PTPRZ1: variants seen among roughly 807,000 people sequenced by gnomAD.
PTPRZ1 encodes the protein receptor-type tyrosine-protein phosphatase zeta.
A neutral mutation model predicts 214.1 loss-of-function variants in PTPRZ1; 82 were observed. That is an observed-to-expected ratio of 0.38 (90% confidence interval 0.32 to 0.46). The LOEUF (loss-of-function observed/expected upper bound fraction) is 0.46. Among genes scored for constraint, PTPRZ1 ranks in the 20% least tolerant of loss-of-function variants. The pLI is 1.00. For synonymous variants in PTPRZ1, 945 were observed against 987.9 expected, an observed-to-expected ratio of 0.96 and a Z score of 0.81; for missense variants, 2,603 against 2,748.7, an observed-to-expected ratio of 0.95 and a Z score of 1.19.
chr7:121,925,284 A>C (rs1795720436), intron 1 of PTPRZ1, among the ~76,000 whole-genome samples: 1 of 152,222 alleles, frequency 6.6e-6, no homozygotes, highest in African/African-American at 2.4e-5. Flanking sequence ...AGAAACTCTT[A>C]ACCCCGGAAT....
chr7:122,000,647 AT>A (rs1798290503), intron 10 of PTPRZ1, among the ~76,000 whole-genome samples: 1 of 1,314 alleles, frequency 7.6e-4, no homozygotes, highest in African/African-American at 2.4e-3. Context: ...GATAGATTTC[AT>A]ATATATATAT....
At chr7:121,892,781 A>G (rs985045594) in intron 1 of PTPRZ1, among the ~76,000 whole-genome samples, 4 of 146,084 alleles carry the variant, frequency 2.7e-5, no homozygotes, top group Non-Finnish European at 6.0e-5. Context: ...GTTCTCCATA[A>G]TAAGGCAGTT....
chr7:121,948,332 C>T (rs558126068), intron 2 of PTPRZ1, among the ~76,000 whole-genome samples: 75 of 152,160 alleles, frequency 4.9e-4, no homozygotes, highest in African/African-American at 1.7e-3. Flanking sequence ...AAGAATAAAC[C>T]TGGCCAAACA....
At chr7:121,981,096 T>G (rs2116559581) in intron 6 of PTPRZ1, among the ~76,000 whole-genome samples, 1 of 148,912 alleles carries the variant, frequency 6.7e-6, no homozygotes, top group Admixed American at 6.8e-5. Flanking sequence ...TGAGCCGAGA[T>G]AGCGCCACTG....
chr7:122,037,870 G>A (rs142976139), intron 18 of PTPRZ1, among the ~76,000 whole-genome samples: 74 of 152,230 alleles, frequency 4.9e-4, no homozygotes, highest in African/African-American at 1.6e-3. Context: ...TAAGGTTCAC[G>A]TTCTGTATTA....
At position 122,040,988 on chromosome 7, in the gene PTPRZ1, C is replaced by G. The variant is rs765989550; in HGVS notation, c.5801+9C>G. The stretch of plus-strand genomic sequence containing the variant: ...GTTGTCGTCCACTGCAGGTGAGTCT[C>G]AGAGATGTGCCTCTAAACCCATAGA... On this transcript the variant is annotated intron_variant, in intron 21 of 29. Transcript: ENST00000393386. 2 of 1,523,430 alleles carry G rather than the reference C, an allele frequency of 1.3e-6. No individual in the cohort carries two copies. The highest frequency in any genetic ancestry group is 1.8e-6 in the Non-Finnish European group (2 of 1,125,802). 94.4% of individuals were successfully genotyped at this position (1,523,430 alleles called of 1,614,324 possible). A position where few individuals can be genotyped will look rare whatever the true frequency, so the allele number is the denominator to read the frequency against.
At chr7:121,941,926 A>G (rs1451176280) in intron 2 of PTPRZ1, among the ~76,000 whole-genome samples, 5 of 152,194 alleles carry the variant, frequency 3.3e-5, no homozygotes, top group Admixed American at 6.5e-5. Flanking sequence ...TCTGGACTTC[A>G]TCTAGCCAGG....
rs150502950 is a variant in PTPRZ1 at position 122,010,334 on chromosome 7, G to A, written c.1288G>A (p.Glu430Lys). ...ELIGTEEIIKEEEEGKDIEEG... is the reference protein window; with the variant it reads ...ELIGTEEIIKKEEEGKDIEEG... ...ATTAAATCTTGTTTGCTTTTCAAAG[G>A]AGGAGGAAGAGGGAAAAGACATTGA... Residue 430 changes from glutamate to lysine, a missense_variant and splice_region_variant, in exon 12 of 30, where the codon GAG becomes AAG. Coordinates refer to ENST00000393386, the MANE Select transcript of PTPRZ1 (RefSeq NM_002851.3). 2.0e-4 allele frequency: 323 copies of A among 1,595,190 alleles called. 1 individual carries two copies. The African/African-American group carries it at 3.7e-3, about 18-fold the overall frequency.
At chr7:121,983,845 A>C in intron 7 of PTPRZ1, 23 bp downstream of exon 7, 3 of 1,605,798 alleles carry the variant, frequency 1.9e-6, no homozygotes, top group Non-Finnish European at 2.6e-6. Context: ...ATTCAAACAA[A>C]TCAAGTAATT....
chr7:121,960,436 T>A (rs1055850120), intron 2 of PTPRZ1, among the ~76,000 whole-genome samples: 1 of 152,222 alleles, frequency 6.6e-6, no homozygotes, highest in Non-Finnish European at 1.5e-5. Flanking sequence ...AATATCTTGA[T>A]CTTTAAAGAA....
chr7:121,989,508 G>A (rs1357464694), intron 8 of PTPRZ1, among the ~76,000 whole-genome samples: 1 of 151,708 alleles, frequency 6.6e-6, no homozygotes, highest in Non-Finnish European at 1.5e-5. Flanking sequence ...CCAAGTAGCT[G>A]AGATTACTGG....
chr7:122,028,309 G>A, intron 13 of PTPRZ1: 1 of 349,100 alleles, frequency 2.9e-6, no homozygotes, highest in Non-Finnish European at 5.2e-6. Context: ...TTCTGTCTGT[G>A]CTTTTAGCAT....
intron 1 of PTPRZ1, among the ~76,000 whole-genome samples, chr7:121,917,823 T>A (rs1584636352): frequency 6.6e-6 from 1 of 152,260 alleles, no homozygotes; most frequent in South Asian, 2.1e-4. Flanking sequence ...TAAAAAAATA[T>A]GTGTTTATAG....
At position 122,044,406 on chromosome 7, in the gene PTPRZ1, G is replaced by A. The variant is rs1269396284; in HGVS notation, c.5938-16G>A. On this transcript the variant is annotated splice_polypyrimidine_tract_variant and intron_variant, in intron 22 of 29. Transcript: ENST00000393386. ...AAAACTTGAACTAATGTTGCTTATTGTCATTGTTTTGCCAGGAGCAATATG... is the reference window on the plus strand; with the variant it reads ...AAAACTTGAACTAATGTTGCTTATTATCATTGTTTTGCCAGGAGCAATATG... 2.5e-6 allele frequency: 4 copies of A among 1,613,250 alleles called. No homozygotes were observed. In the South Asian group the frequency reaches 4.4e-5, roughly 18 times the overall value.
chr7:121,937,085 A>C (rs1490206348), intron 2 of PTPRZ1, among the ~76,000 whole-genome samples: 3 of 152,234 alleles, frequency 2.0e-5, no homozygotes, highest in African/African-American at 7.2e-5. Flanking sequence ...ATAGACTGTT[A>C]TAGAGCTTCT....
intron 11 of PTPRZ1, among the ~76,000 whole-genome samples, chr7:122,008,079 G>T (rs1203536363): frequency 6.6e-6 from 1 of 152,016 alleles, no homozygotes; most frequent in African/African-American, 2.4e-5. Context: ...TATGTAATAA[G>T]AAGAGGTGTG....
At chr7:121,917,192 C>T (rs1274933474) in intron 1 of PTPRZ1, among the ~76,000 whole-genome samples, 1 of 151,926 alleles carries the variant, frequency 6.6e-6, no homozygotes, top group Non-Finnish European at 1.5e-5. Context: ...TTTTATGTAC[C>T]GATAAAGCAG....
intron 20 of PTPRZ1, 149 bp downstream of exon 20, chr7:122,039,737 C>A: frequency 9.9e-7 from 1 of 1,014,960 alleles, no homozygotes; most frequent in Non-Finnish European, 1.4e-6. Context: ...ATGGCTTATG[C>A]CTGTAATCCC....
At chr7:121,919,536 A>G (rs1795528421) in intron 1 of PTPRZ1, among the ~76,000 whole-genome samples, 1 of 152,052 alleles carries the variant, frequency 6.6e-6, no homozygotes, top group Non-Finnish European at 1.5e-5. Flanking sequence ...CCTTTTCTTC[A>G]TACATAGAAA....
Sources: allele counts gnomAD v4.1 joint callset (sites outside exome capture counted in the v4.1 genomes callset), GRCh38; gene constraint gnomAD v4.1.1; transcripts MANE v1.5; gene names NCBI Gene and HGNC (gene_info 2026-07-23, HGNC 2026-07-21).